Variants in SEH1L observed in about 807,000 individuals in gnomAD.
The protein encoded by SEH1L is SEH1 like nucleoporin.
SEH1L carries 18 observed loss-of-function variants against 49.5 expected under a neutral mutation model. The ratio of observed to expected loss-of-function variants is 0.36; its 90% CI spans 0.25 to 0.54. The LOEUF (loss-of-function observed/expected upper bound fraction) is 0.54, where lower values mean the gene tolerates loss of function less well. Among genes scored for constraint, SEH1L ranks in the 20% least tolerant of loss-of-function variants. The pLI, the probability that SEH1L is intolerant of heterozygous loss-of-function variation, is 0.87. For synonymous variants in SEH1L, 169 were observed against 178.1 expected (o/e 0.95, Z 0.41); for missense variants, 404 against 528.8 (o/e 0.76, Z 2.31).
At chr18:12,978,077 C>T (rs1002446815) in intron 5 of SEH1L, 3 of 152,302 alleles carry the variant, frequency 2.0e-5, no homozygotes. Flanking sequence ...ATTCTCCCAC[C>T]TCAGCCTCTC....
chr18:12,972,863 A>G (rs541053828), intron 5 of SEH1L: 6 of 151,670 alleles, frequency 4.0e-5, no homozygotes, highest in African/African-American at 7.3e-5. Flanking sequence ...GTAAATTTCA[A>G]CCTGAGCTGA....
chr18:12,956,145 C>T (rs988189393), intron 3 of SEH1L, among the ~76,000 whole-genome samples: 4 of 151,588 alleles, frequency 2.6e-5, no homozygotes, highest in South Asian at 2.1e-4. Context: ...CCCGGGTTCA[C>T]GCCATTCTCC....
In SEH1L at chr18:12,954,184, A is replaced by G. The variant is rs150857259; in HGVS notation, c.163-1279A>G. On this transcript the variant is annotated intron_variant, in intron 2 of 8. Transcript: ENST00000399892. The stretch of plus-strand genomic sequence containing the variant: ...TTGTTGAATGTAAAAAATGTTAGCT[A>G]TACAGTGTGAAACACATTTTCTGAA... 4.5e-3 allele frequency among the ~76,000 whole-genome samples: 684 copies of G among 152,342 alleles called. 5 individuals are homozygous for G. Among genetic ancestry groups the G allele is most frequent in the African/African-American group, 0.015 (639 of 41,562 alleles).
intron 6 of SEH1L, among the ~76,000 whole-genome samples, chr18:12,979,768 C>T (rs1350298984): frequency 3.6e-5 from 5 of 140,624 alleles, no homozygotes; most frequent in Admixed American, 2.1e-4. Context: ...ACCTCCCTCC[C>T]GGACGGGGCG....
chr18:12,982,224 G>T (rs1428404684), intron 6 of SEH1L, among the ~76,000 whole-genome samples: 1 of 152,058 alleles, frequency 6.6e-6, no homozygotes, highest in East Asian at 1.9e-4. Flanking sequence ...CCTTGTGTGG[G>T]AGAATAAAAT....
At chr18:12,956,851 C>G (rs1027555745) in intron 3 of SEH1L, among the ~76,000 whole-genome samples, 2 of 151,928 alleles carry the variant, frequency 1.3e-5, no homozygotes, top group South Asian at 4.2e-4. Context: ...ACAGAAAATA[C>G]CCACCTAATA....
chr18:12,966,183 C>T (rs11876742), intron 4 of SEH1L, among the ~76,000 whole-genome samples: 5,109 of 149,362 alleles, frequency 0.034, 278 homozygotes, highest in African/African-American at 0.12. Flanking sequence ...AGCTCCGCCT[C>T]CTGGGTTTAA....
At chr18:12,979,863 C>T (rs180780743) in intron 6 of SEH1L, among the ~76,000 whole-genome samples, 13,813 of 135,414 alleles carry the variant, frequency 0.1, 832 homozygotes, top group East Asian at 0.23. Context: ...GGCGGCTGGC[C>T]GGGCGGGGGG....
intron 6 of SEH1L, among the ~76,000 whole-genome samples, chr18:12,980,956 C>G: frequency 6.7e-6 from 1 of 150,292 alleles, no homozygotes; most frequent in African/African-American, 2.4e-5. Flanking sequence ...GGGTGGCTGC[C>G]GGGCGGAGAT....
chr18:12,955,091 G>A (rs1365692126), intron 2 of SEH1L, among the ~76,000 whole-genome samples: 3 of 151,808 alleles, frequency 2.0e-5, no homozygotes, highest in African/African-American at 7.3e-5. Context: ...AAGTAAAATG[G>A]TGGACTTACA....
At chr18:12,966,256 C>T (rs2031448664) in intron 4 of SEH1L, among the ~76,000 whole-genome samples, 1 of 151,854 alleles carries the variant, frequency 6.6e-6, no homozygotes, top group African/African-American at 2.4e-5. Context: ...CCATGCCCGT[C>T]TAATTTTATA....
intron 1 of SEH1L, among the ~76,000 whole-genome samples, chr18:12,949,699 C>T (rs1254647182): frequency 6.6e-6 from 1 of 151,934 alleles, no homozygotes; most frequent in African/African-American, 2.4e-5. Flanking sequence ...GTGATCCGCC[C>T]ACCTCGGCCT....
intron 3 of SEH1L, 52 bp downstream of exon 3, chr18:12,955,661 A>C (rs2030808871): frequency 6.3e-7 from 1 of 1,584,862 alleles, no homozygotes; most frequent in Non-Finnish European, 8.6e-7. Flanking sequence ...GCAGCCAAGG[A>C]GCATTCATCC....
At chr18:12,959,330 T>A (rs187246795) in intron 3 of SEH1L, among the ~76,000 whole-genome samples, 1 of 152,346 alleles carries the variant, frequency 6.6e-6, no homozygotes, top group African/African-American at 2.4e-5. Flanking sequence ...TTGCAATATT[T>A]GCATTTATAC....
chr18:12,956,575 A>G (rs920269399), intron 3 of SEH1L, among the ~76,000 whole-genome samples: 8 of 148,058 alleles, frequency 5.4e-5, no homozygotes, highest in Admixed American at 3.4e-4. Context: ...TTTTACTTCT[A>G]TGAGAGAAGA....
At chr18:12,984,011 G>C in intron 7 of SEH1L, 29 bp from the exon 8 acceptor site, 1 of 1,585,052 alleles carries the variant, frequency 6.3e-7, no homozygotes, top group Non-Finnish European at 8.7e-7. Context: ...TATTAATCAT[G>C]TTAATGTATT....
In SEH1L at chr18:12,948,198, G is replaced by A; in HGVS notation, c.77G>A (p.Arg26Gln). ...HDVSFDFHGR[R>Q]MATCSSDQSV... ...GTCTCTTTCGACTTCCACGGGCGGC[G>A]GATGGCAACCTGCTCCAGCGATCAG... Residue 26 changes from arginine (R) to glutamine (Q), a missense_variant, in exon 1 of 9, where the codon CGG (arginine) becomes CAG (glutamine). Transcript: ENST00000399892. The A allele has an allele frequency of 2.5e-6, 4 of 1,612,040 alleles. No individual in the cohort carries two copies. Among genetic ancestry groups the A allele is most frequent in the Non-Finnish European group, 3.4e-6 (4 of 1,179,354 alleles).
At chr18:12,962,631 CTT>C (rs562045826) in intron 3 of SEH1L, among the ~76,000 whole-genome samples, 13 of 138,380 alleles carry the variant, frequency 9.4e-5, no homozygotes, top group Admixed American at 1.4e-4. Flanking sequence ...CCACACCTGG[CTT>C]TTTTTTTTTT....
At chr18:12,951,745 T>C (rs1598938849) in intron 1 of SEH1L, 110 bp from the exon 2 acceptor site, 1 of 682,576 alleles carries the variant, frequency 1.5e-6, no homozygotes, top group East Asian at 3.0e-5. Flanking sequence ...TTGTGTTCTT[T>C]TGTTAACTAT....
Sources: allele counts gnomAD v4.1 joint callset (sites outside exome capture counted in the v4.1 genomes callset), GRCh38; gene constraint gnomAD v4.1.1; transcripts MANE v1.5; gene names NCBI Gene and HGNC (gene_info 2026-07-23, HGNC 2026-07-21).